Variants in MKKS observed in about 807,000 individuals in gnomAD.
MKKS encodes the protein molecular chaperone MKKS.
MKKS carries 29 observed loss-of-function variants against 33.2 expected under a neutral mutation model. The ratio of observed to expected loss-of-function variants is 0.87; its 90% CI spans 0.65 to 1.19. The LOEUF is 1.19. Among genes scored for constraint, MKKS ranks in the 50% most tolerant of loss-of-function variants. MKKS has a pLI of 0.00. For missense variants in MKKS, 661 were observed against 662.3 expected (o/e 1.00, Z 0.02); for synonymous variants, 260 against 244.0 (o/e 1.07, Z -0.61).
chr20:10,427,295 G>A (rs1402623003), intron 1 of MKKS, among the ~76,000 whole-genome samples: 1 of 152,152 alleles, frequency 6.6e-6, no homozygotes, highest in African/African-American at 2.4e-5. Context: ...GGCGCCATCT[G>A]CTGGCCTTTT....
intron 2 of MKKS, among the ~76,000 whole-genome samples, chr20:10,419,677 A>G (rs905311035): frequency 6.6e-6 from 1 of 152,232 alleles, no homozygotes; most frequent in African/African-American, 2.4e-5. Flanking sequence ...TTACCTGAAC[A>G]TAAGCGCGGA....
chr20:10,430,155 A>T (rs565985280), intron 1 of MKKS, among the ~76,000 whole-genome samples: 1 of 152,374 alleles, frequency 6.6e-6, no homozygotes, highest in South Asian at 2.1e-4. Flanking sequence ...AGAAAAATCC[A>T]CTAGGATCTA....
At chr20:10,430,323 T>A (rs2065046188) in intron 1 of MKKS, among the ~76,000 whole-genome samples, 1 of 152,214 alleles carries the variant, frequency 6.6e-6, no homozygotes, top group South Asian at 2.1e-4. Flanking sequence ...CTTGGATTAG[T>A]CACTTAATCT....
Position 10,429,324 on chromosome 20 carries a change from G to C in MKKS, c.-649+4784C>G, listed in dbSNP as rs79852548. 3.9e-5 allele frequency among the ~76,000 whole-genome samples: 6 copies of C among 152,174 alleles called. No individual in the cohort carries two copies. The East Asian group carries it at 1.2e-3, about 29-fold the overall frequency. On this transcript the variant is annotated intron_variant, in intron 1 of 5. Coordinates refer to ENST00000347364, the MANE Select transcript of MKKS (RefSeq NM_170784.3). ...CCTTCTTAGTCTCCTTTAATAGCCT[G>C]CTGGTTTCCATCCACCTATTCATCC...
chr20:10,411,153 T>TA (rs2064883178), intron 3 of MKKS, among the ~76,000 whole-genome samples: 1 of 113,450 alleles, frequency 8.8e-6, no homozygotes, highest in South Asian at 3.1e-4. Context: ...GCCCAGCTAA[T>TA]TTTTTTGTAT....
intron 5 of MKKS, among the ~76,000 whole-genome samples, chr20:10,407,119 T>C (rs1489212725): frequency 2.0e-5 from 3 of 152,218 alleles, no homozygotes; most frequent in Non-Finnish European, 4.4e-5. Flanking sequence ...TTTAAAATTA[T>C]AATAGAATCT....
At chr20:10,416,482 A>G (rs974275246) in intron 2 of MKKS, among the ~76,000 whole-genome samples, 12 of 152,160 alleles carry the variant, frequency 7.9e-5, no homozygotes, top group African/African-American at 2.7e-4. Flanking sequence ...TAGCATTAAA[A>G]AAAAACATGA....
chr20:10,415,200 G>C (rs2064929107), intron 2 of MKKS, among the ~76,000 whole-genome samples: 1 of 152,150 alleles, frequency 6.6e-6, no homozygotes, highest in Non-Finnish European at 1.5e-5. Flanking sequence ...TTGAGGCCGG[G>C]TGTTTTAAAG....
At chr20:10,431,831 G>A (rs1396400856) in intron 1 of MKKS, 4 of 152,348 alleles carry the variant, frequency 2.6e-5, no homozygotes, top group Admixed American at 2.6e-4. Flanking sequence ...TTGGTCCACA[G>A]AGGATGGCTT....
At chr20:10,406,533 G>A (rs923156571) in intron 5 of MKKS, among the ~76,000 whole-genome samples, 69 of 152,178 alleles carry the variant, frequency 4.5e-4, no homozygotes, top group Admixed American at 5.9e-4. Context: ...AGTGTGGTAG[G>A]CTCTACCATG....
intron 1 of MKKS, among the ~76,000 whole-genome samples, chr20:10,422,632 G>C (rs1424057538): frequency 6.6e-6 from 1 of 151,694 alleles, no homozygotes; most frequent in Admixed American, 6.6e-5. Context: ...AGAAGATACT[G>C]TTATTTATAT....
rs539793890 is a variant in MKKS at position 10,404,381 on chromosome 20, A to G, written c.*866T>C. On this transcript the variant is annotated 3_prime_UTR_variant, in exon 6 of 6. Transcript: ENST00000347364. ...TCGGGGGACATTTGGCAATGTCTGG[A>G]AACATTTTTGGTTGTCACAACAGGA... 1.3e-5 allele frequency: 2 copies of G among 151,544 alleles called. No individual in the cohort carries two copies. Among genetic ancestry groups the G allele is most frequent in the South Asian group, 2.1e-4 (1 of 4,790 alleles). 9.4% of individuals were successfully genotyped at this position (151,544 alleles called of 1,614,324 possible).
rs1347524793 is a variant in MKKS at position 10,410,993 on chromosome 20, G to T, written c.985+1537C>A. On this transcript the variant is annotated intron_variant, in intron 3 of 5. Transcript: ENST00000347364. ...ATATGGTTTCTACGGGAAAATGTTTGGTTTTTTTTTTTTTGATAGGGAATC... is the reference window on the plus strand; with the variant it reads ...ATATGGTTTCTACGGGAAAATGTTTTGTTTTTTTTTTTTTGATAGGGAATC... Among the ~76,000 whole-genome samples the T allele has an allele frequency of 5.0e-3, 745 of 148,786 alleles. 2 individuals carry two copies. Among genetic ancestry groups the T allele is most frequent in the Non-Finnish European group, 7.8e-3 (525 of 67,262 alleles).
chr20:10,428,500 C>T (rs906578070), intron 1 of MKKS, among the ~76,000 whole-genome samples: 1 of 152,162 alleles, frequency 6.6e-6, no homozygotes, highest in Non-Finnish European at 1.5e-5. Context: ...TAGGTATGAA[C>T]ACCTCTAACT....
chr20:10,431,222 A>C (rs983943821), intron 1 of MKKS, among the ~76,000 whole-genome samples: 11 of 152,156 alleles, frequency 7.2e-5, no homozygotes, highest in African/African-American at 2.7e-4. Flanking sequence ...TTATCATCGA[A>C]TATTTTGACT....
chr20:10,427,045 C>G (rs937848200), intron 1 of MKKS, among the ~76,000 whole-genome samples: 18 of 127,082 alleles, frequency 1.4e-4, no homozygotes, highest in African/African-American at 3.4e-4. Context: ...CACACACACA[C>G]ACACACACAC....
At position 10,402,141 on chromosome 20, in the gene MKKS, C is replaced by T. The variant is rs2064814208; in HGVS notation, c.*3106G>A. ...GAGCAGCTGTCACCGACTTCATTTTCTTCTTCACACTCTCCCTTTCCTTTT... is the reference window on the plus strand; with the variant it reads ...GAGCAGCTGTCACCGACTTCATTTTTTTCTTCACACTCTCCCTTTCCTTTT... On this transcript the variant is annotated 3_prime_UTR_variant, in exon 6 of 6. Coordinates refer to ENST00000347364, the MANE Select transcript of MKKS (RefSeq NM_170784.3). 1 of 152,200 alleles carries T rather than the reference C, an allele frequency of 6.6e-6. No homozygotes were observed. The highest frequency in any genetic ancestry group is 6.5e-5 in the Admixed American group (1 of 15,272). The allele number at this position is 152,200 out of a possible 1,614,324, so 9.4% of individuals were successfully genotyped here. A position where few individuals can be genotyped will look rare whatever the true frequency, so the allele number is the denominator to read the frequency against.
At position 10,405,128 on chromosome 20, in the gene MKKS, G is replaced by T; in HGVS notation, c.*119C>A. ...AATAAGTGTATCTATAATTTTATGA[G>T]TCATTTGTCCAAATATGTAGAACAG... On this transcript the variant is annotated 3_prime_UTR_variant, in exon 6 of 6. Transcript: ENST00000347364. The T allele has an allele frequency of 2.7e-6, 2 of 747,760 alleles. No homozygotes were observed. Among genetic ancestry groups the T allele is most frequent in the Non-Finnish European group, 4.2e-6 (2 of 478,116 alleles). 46.3% of individuals were successfully genotyped at this position (747,760 alleles called of 1,614,324 possible). A position where few individuals can be genotyped will look rare whatever the true frequency, so the allele number is the denominator to read the frequency against.
Position 10,412,818 on chromosome 20 carries a change from T to C in MKKS, c.697A>G (p.Ile233Val), listed in dbSNP as rs141201812. Residue 233 changes from isoleucine (I) to valine (V), a missense_variant, in exon 3 of 6, where the codon ATC becomes GTC. Coordinates refer to ENST00000347364, the MANE Select transcript of MKKS (RefSeq NM_170784.3). ...SEVQLMRLLP[I>V]KKSTALKVAL... is the part of the protein sequence containing the mutation. The stretch of plus-strand genomic sequence containing the variant: ...ACCTTGAGGGCAGTTGATTTTTTGA[T>C]AGGTAATAGCCTCATTAATTGAACT... The C allele has an allele frequency of 1.9e-6, 3 of 1,614,086 alleles. No individual in the cohort carries two copies. Among genetic ancestry groups the C allele is most frequent in the African/African-American group, 2.7e-5 (2 of 74,938 alleles).
Sources: gnomAD v4.1 joint callset for allele counts (sites outside exome capture counted in the v4.1 genomes callset) on GRCh38, gnomAD v4.1.1 for gene constraint, MANE v1.5 for transcripts, NCBI Gene and HGNC (gene_info 2026-07-23, HGNC 2026-07-21) for gene names.